ADAMTS9: variants seen among roughly 807,000 people sequenced by gnomAD.
ADAMTS9 encodes the protein ADAM metallopeptidase with thrombospondin type 1 motif 9, also known as A disintegrin and metalloproteinase with thrombospondin motifs 9.
ADAMTS9 carries 107 observed loss-of-function variants against 257.1 expected under a neutral mutation model. The observed-to-expected ratio is 0.42, with a 90% CI of 0.36 to 0.49. The LOEUF (loss-of-function observed/expected upper bound fraction) is 0.49. Among genes scored for constraint, ADAMTS9 ranks in the 20% least tolerant of loss-of-function variants. ADAMTS9 has a pLI of 0.03. For synonymous variants in ADAMTS9, 982 were observed against 880.9 expected, an observed-to-expected ratio of 1.11 and a Z score of -2.03; for missense variants, 2,353 against 2,469.1, an observed-to-expected ratio of 0.95 and a Z score of 1.00.
In ADAMTS9 at chr3:64,539,271, T is replaced by C; in HGVS notation, c.5545A>G (p.Thr1849Ala). Residue 1849 changes from threonine to alanine, a missense_variant, in exon 37 of 40, where the codon ACA (threonine) becomes GCA (alanine). This residue lies in a region of ADAMTS9 where 1,402 missense variants were observed against 1,441.4 expected (regional missense o/e 0.97). Transcript: ENST00000498707. Reference protein sequence around the residue: ...IITTDLQFARTSEGHPVPFAT... With the variant: ...IITTDLQFARASEGHPVPFAT... ...AAAGGGACGGGATGTCCTTCGCTTG[T>C]CCTTGCAAACTGTAAGTCAGTGGCT... 6.2e-7 allele frequency: 1 copy of C among 1,613,958 alleles called. No homozygotes were observed. Among genetic ancestry groups the C allele is most frequent in the Non-Finnish European group, 8.5e-7 (1 of 1,179,940 alleles).
rs765232311 is a variant in ADAMTS9, at chr3:64,522,275, A to C, written c.5719-15T>G. ...CGGGTACCATCCTGCAAGGAGATGCATCATGTTAGCCTGCCTGCTTGGTTA... is the reference window on the plus strand; with the variant it reads ...CGGGTACCATCCTGCAAGGAGATGCCTCATGTTAGCCTGCCTGCTTGGTTA... On this transcript the variant is annotated splice_polypyrimidine_tract_variant and intron_variant, in intron 38 of 39. Transcript: ENST00000498707. 7 of 1,612,520 alleles carry C rather than the reference A, an allele frequency of 4.3e-6. No individual in the cohort carries two copies. The highest frequency in any genetic ancestry group is 5.9e-6 in the Non-Finnish European group (7 of 1,178,620).
chr3:64,564,625 G>GT (rs1037951090), intron 29 of ADAMTS9, among the ~76,000 whole-genome samples: 13 of 151,740 alleles, frequency 8.6e-5, no homozygotes, highest in African/African-American at 2.7e-4. Context: ...GTGTGGGGGG[G>GT]GCGTTGTCGT....
intron 37 of ADAMTS9, 23 bp downstream of exon 37, chr3:64,539,180 G>T (rs745606413): frequency 1.3e-6 from 2 of 1,594,212 alleles, no homozygotes; most frequent in African/African-American, 1.3e-5. Context: ...TCCCTGGCAA[G>T]GGGGAAGGCA....
chr3:64,526,098 G>C (rs2082907102), intron 38 of ADAMTS9, among the ~76,000 whole-genome samples: 1 of 146,638 alleles, frequency 6.8e-6, no homozygotes, highest in Non-Finnish European at 1.5e-5. Flanking sequence ...ACAATATATA[G>C]TATATATTAT....
At chr3:64,684,268 T>A (rs916793875) in intron 2 of ADAMTS9, among the ~76,000 whole-genome samples, 1 of 151,864 alleles carries the variant, frequency 6.6e-6, no homozygotes, top group East Asian at 1.9e-4. Flanking sequence ...TTCTTAGACA[T>A]CAGTCCTAAG....
intron 26 of ADAMTS9, 39 bp downstream of exon 26, chr3:64,601,905 A>T: frequency 6.5e-7 from 1 of 1,549,744 alleles, no homozygotes; most frequent in Non-Finnish European, 8.7e-7. Flanking sequence ...ACCCAACCTC[A>T]AGTGAAAGAG....
chr3:64,655,948 T>C lies in ADAMTS9; in HGVS notation c.970-73A>G. ...GCAATAAGCAAGTCACGTCTTACGT[T>C]GGGCTCCACCTCTTTTTTACGTTTC... On this transcript the variant is annotated intron_variant, in intron 4 of 39. Transcript: ENST00000498707. 4 of 925,880 alleles carry C rather than the reference T, an allele frequency of 4.3e-6. 1 individual carries two copies. The highest frequency in any genetic ancestry group is 4.9e-6 in the Non-Finnish European group (3 of 616,452). The allele number at this position is 925,880 out of a possible 1,614,324, so 57.4% of individuals were successfully genotyped here.
intron 16 of ADAMTS9, among the ~76,000 whole-genome samples, chr3:64,625,067 C>T (rs988112888): frequency 6.6e-6 from 1 of 152,122 alleles, no homozygotes; most frequent in Non-Finnish European, 1.5e-5. Flanking sequence ...AGTGAGGATG[C>T]CCTTGAAAGA....
intron 19 of ADAMTS9, 141 bp downstream of exon 19, chr3:64,620,973 G>T: frequency 9.5e-7 from 1 of 1,050,068 alleles, no homozygotes; most frequent in Non-Finnish European, 1.4e-6. Flanking sequence ...GAGGGATGGA[G>T]AATTGGTTAA....
intron 10 of ADAMTS9, among the ~76,000 whole-genome samples, chr3:64,649,242 T>C (rs9311907): frequency 0.96 from 145,801 of 152,238 alleles, 69,873 homozygotes; most frequent in East Asian, 1. Flanking sequence ...TTAGCTCTTC[T>C]GAATCTAGAA....
At chr3:64,617,859 T>C (rs1206872737) in intron 19 of ADAMTS9, among the ~76,000 whole-genome samples, 1 of 152,206 alleles carries the variant, frequency 6.6e-6, no homozygotes, top group Non-Finnish European at 1.5e-5. Flanking sequence ...TCCACAACCA[T>C]GCGTTTGGAA....
chr3:64,685,117 A>G (rs554787643), intron 2 of ADAMTS9: 1 of 152,266 alleles, frequency 6.6e-6, no homozygotes, highest in Non-Finnish European at 1.5e-5. Flanking sequence ...CAATCTCGAC[A>G]GCGCATTTCG....
At chr3:64,551,505 G>A (rs377567025) in intron 30 of ADAMTS9, among the ~76,000 whole-genome samples, 3 of 152,100 alleles carry the variant, frequency 2.0e-5, no homozygotes, top group Admixed American at 1.3e-4. Context: ...CACCACTCCC[G>A]GCCGAGAACT....
At chr3:64,527,087 G>A (rs887059730) in intron 38 of ADAMTS9, among the ~76,000 whole-genome samples, 11 of 152,070 alleles carry the variant, frequency 7.2e-5, no homozygotes, top group Admixed American at 2.0e-4. Context: ...ACAGCCACAC[G>A]GAGCAAGTAA....
intron 28 of ADAMTS9, among the ~76,000 whole-genome samples, chr3:64,593,958 ATGATGTGTGTGTGTGTGTGTGTGTG>A (rs1333213084): frequency 6.4e-5 from 8 of 125,122 alleles, no homozygotes; most frequent in Admixed American, 1.7e-4. Flanking sequence ...GTGTGTGTGT[ATGATGTGTGTGTGTGTGTGTGTGTG>A]TGTGTGTGTG....
intron 30 of ADAMTS9, among the ~76,000 whole-genome samples, chr3:64,553,947 A>AAAAAG (rs144320194): frequency 2.1e-4 from 32 of 152,130 alleles, no homozygotes; most frequent in African/African-American, 6.0e-4. Flanking sequence ...CCGAATGTTA[A>AAAAAG]AAAAGAAAAG....
intron 12 of ADAMTS9, among the ~76,000 whole-genome samples, chr3:64,635,001 T>G (rs1466787028): frequency 1.3e-5 from 2 of 152,316 alleles, no homozygotes; most frequent in African/African-American, 2.4e-5. Flanking sequence ...TCAGTCTTCC[T>G]GAGCTTCAAT....
intron 3 of ADAMTS9, among the ~76,000 whole-genome samples, chr3:64,680,197 A>G (rs1342275363): frequency 2.0e-5 from 3 of 152,192 alleles, no homozygotes; most frequent in African/African-American, 7.2e-5. Flanking sequence ...AGATGAAGTA[A>G]GTGATCCTCT....
intron 28 of ADAMTS9, among the ~76,000 whole-genome samples, chr3:64,580,396 T>G (rs188000483): frequency 6.6e-6 from 1 of 152,288 alleles, no homozygotes; most frequent in East Asian, 1.9e-4. Flanking sequence ...TTTGATAGAA[T>G]GAAATCATAG....
Sources: gnomAD v4.1 joint callset for allele counts (sites outside exome capture counted in the v4.1 genomes callset) on GRCh38, gnomAD v4.1.1 for gene constraint, gnomAD v4.1.1 regional missense constraint, MANE v1.5 for transcripts, NCBI Gene and HGNC (gene_info 2026-07-23, HGNC 2026-07-21) for gene names.